The following LRRC4C variants were observed in gnomAD, a reference collection of about 807,000 sequenced individuals.
The protein encoded by LRRC4C is leucine-rich repeat-containing protein 4C.
In LRRC4C, 5 loss-of-function variants were observed where a neutral mutation model predicts 33.6. That is an observed-to-expected ratio of 0.15 (90% CI 0.08 to 0.31). The LOEUF is 0.31. Among genes scored for constraint, LRRC4C ranks in the 10% least tolerant of loss-of-function variants. The probability of loss-of-function intolerance (pLI) is 1.00; values close to 1 mark genes in which losing one functional copy is unlikely to be tolerated. For missense variants in LRRC4C, 560 were observed against 796.7 expected, an observed-to-expected ratio of 0.70 and a Z score of 3.58; for synonymous variants, 329 against 302.0, an observed-to-expected ratio of 1.09 and a Z score of -0.93.
At chr11:40,681,981 A>T (rs1301832878) in intron 2 of LRRC4C, among the ~76,000 whole-genome samples, 1 of 152,098 alleles carries the variant, frequency 6.6e-6, no homozygotes, top group Non-Finnish European at 1.5e-5. Flanking sequence ...AAAAGACAAC[A>T]AATATGGTGC....
intron 1 of LRRC4C, among the ~76,000 whole-genome samples, chr11:41,412,044 G>T (rs1162390755): frequency 6.6e-6 from 1 of 152,206 alleles, no homozygotes; most frequent in Non-Finnish European, 1.5e-5. Flanking sequence ...ACAGGTACAT[G>T]ACAGTAATGG....
At chr11:40,826,012 G>T (rs959036785) in intron 2 of LRRC4C, among the ~76,000 whole-genome samples, 19 of 150,624 alleles carry the variant, frequency 1.3e-4, no homozygotes, top group Non-Finnish European at 2.4e-4. Flanking sequence ...GGTTTGTGAA[G>T]ATTCCTTTTT....
At chr11:41,127,326 T>A (rs1325728948) in intron 1 of LRRC4C, among the ~76,000 whole-genome samples, 7 of 151,672 alleles carry the variant, frequency 4.6e-5, no homozygotes, top group Non-Finnish European at 1.0e-4. Flanking sequence ...TAATTCAAAC[T>A]CCTTACTTCT....
intron 2 of LRRC4C, among the ~76,000 whole-genome samples, chr11:40,746,520 C>G (rs2136947855): frequency 6.6e-6 from 1 of 152,206 alleles, no homozygotes; most frequent in Admixed American, 6.5e-5. Flanking sequence ...CAGCACTGCC[C>G]CACTTCTTGG....
intron 3 of LRRC4C, among the ~76,000 whole-genome samples, chr11:40,442,229 A>G (rs1366930725): frequency 2.0e-5 from 3 of 151,966 alleles, no homozygotes; most frequent in Non-Finnish European, 2.9e-5. Context: ...AAGTCATTAC[A>G]AAAGTATAAA....
intron 4 of LRRC4C, among the ~76,000 whole-genome samples, chr11:40,260,668 C>T (rs1867636400): frequency 6.6e-6 from 1 of 152,130 alleles, no homozygotes; most frequent in South Asian, 2.1e-4. Flanking sequence ...TGAGGACCAG[C>T]ATCAGAGACC....
At chr11:40,558,642 C>A (rs1957423233) in intron 3 of LRRC4C, among the ~76,000 whole-genome samples, 1 of 152,142 alleles carries the variant, frequency 6.6e-6, no homozygotes, top group South Asian at 2.1e-4. Context: ...TAGTCTTGAC[C>A]AATTGTGCTG....
chr11:40,176,864 T>C (rs1173394169), intron 5 of LRRC4C, among the ~76,000 whole-genome samples: 1 of 151,900 alleles, frequency 6.6e-6, no homozygotes, highest in Non-Finnish European at 1.5e-5. Context: ...AAAATTGCTC[T>C]TTTTATAACT....
chr11:40,503,088 G>A (rs565159940), intron 3 of LRRC4C, among the ~76,000 whole-genome samples: 9 of 151,970 alleles, frequency 5.9e-5, no homozygotes, highest in South Asian at 2.1e-4. Flanking sequence ...ATGCTGACTC[G>A]CAGCGCATGG....
intron 3 of LRRC4C, among the ~76,000 whole-genome samples, chr11:40,468,603 TGA>T (rs1208632866): frequency 1.3e-5 from 2 of 152,112 alleles, no homozygotes; most frequent in East Asian, 3.9e-4. Context: ...GGCGTGTGTG[TGA>T]GTGTGTGAGT....
At chr11:41,106,111 T>C (rs1328491803) in intron 1 of LRRC4C, among the ~76,000 whole-genome samples, 1 of 152,124 alleles carries the variant, frequency 6.6e-6, no homozygotes, top group African/African-American at 2.4e-5. Context: ...TTATTCAATG[T>C]ACTGTAATAA....
At chr11:40,507,305 A>G (rs1955080464) in intron 3 of LRRC4C, among the ~76,000 whole-genome samples, 1 of 152,190 alleles carries the variant, frequency 6.6e-6, no homozygotes, top group Non-Finnish European at 1.5e-5. Flanking sequence ...AAAAGTCTAA[A>G]AATTCAATAG....
At chr11:41,212,556 T>C (rs2136323451) in intron 1 of LRRC4C, among the ~76,000 whole-genome samples, 1 of 152,340 alleles carries the variant, frequency 6.6e-6, no homozygotes, top group Non-Finnish European at 1.5e-5. Flanking sequence ...ATACATTAGC[T>C]AGTCTTTCTG....
At chr11:40,796,984 A>G (rs1001344548) in intron 2 of LRRC4C, among the ~76,000 whole-genome samples, 3 of 152,198 alleles carry the variant, frequency 2.0e-5, no homozygotes, top group East Asian at 3.9e-4. Flanking sequence ...TTACTATCAC[A>G]CGCTATAGAA....
At chr11:40,342,565 G>A (rs1946919443) in intron 3 of LRRC4C, among the ~76,000 whole-genome samples, 1 of 152,040 alleles carries the variant, frequency 6.6e-6, no homozygotes, top group Admixed American at 6.6e-5. Flanking sequence ...TAAAGAAGAT[G>A]GAGAACCACT....
chr11:40,882,107 G>A (rs1352736066), intron 2 of LRRC4C, among the ~76,000 whole-genome samples: 1 of 152,166 alleles, frequency 6.6e-6, no homozygotes, highest in South Asian at 2.1e-4. Flanking sequence ...TTATAAATGA[G>A]TATTGGGAAT....
intron 1 of LRRC4C, among the ~76,000 whole-genome samples, chr11:41,312,175 T>C (rs1565571953): frequency 6.6e-6 from 1 of 152,150 alleles, no homozygotes; most frequent in Non-Finnish European, 1.5e-5. Flanking sequence ...TATGTTTCCT[T>C]CTGGGGTTTT....
Position 40,259,371 on chromosome 11 carries a change from C to A in LRRC4C, c.-175-17773G>T, listed in dbSNP as rs572407201. 3.2e-3 allele frequency among the ~76,000 whole-genome samples: 481 copies of A among 152,026 alleles called. 1 individual carries two copies. The highest frequency in any genetic ancestry group is 0.011 in the African/African-American group (458 of 41,482). On this transcript the variant is annotated intron_variant, in intron 4 of 6. Coordinates refer to ENST00000528697, the MANE Select transcript of LRRC4C (RefSeq NM_001258419.2). ...TCCCATTTTGTAGGTTGCCTGTTCA[C>A]TCTGATGGTAGTTTCTTTTGCTGTG...
Position 40,571,470 on chromosome 11 carries a change from C to A in LRRC4C, c.-270+76672G>T, listed in dbSNP as rs562541557. Among the ~76,000 whole-genome samples the A allele has an allele frequency of 1.4e-4, 21 of 152,208 alleles. No homozygotes were observed. The East Asian group carries it at 3.9e-3, about 28-fold the overall frequency. ...AGTATGAAATAGAAAACTCTTAATT[C>A]CCATCAGTATATAGCTGGACAAGAT... On this transcript the variant is annotated intron_variant, in intron 3 of 6. Transcript: ENST00000528697.
Sources: allele counts gnomAD v4.1 joint callset (sites outside exome capture counted in the v4.1 genomes callset), GRCh38; gene constraint gnomAD v4.1.1; transcripts MANE v1.5; gene names NCBI Gene and HGNC (gene_info 2026-07-23, HGNC 2026-07-21).